Variants in PARD3 observed in about 807,000 individuals in gnomAD.
PARD3 encodes par-3 family cell polarity regulator.
PARD3 carries 75 observed loss-of-function variants against 155.4 expected under a neutral mutation model. The observed-to-expected ratio is 0.48, with a 90% CI of 0.40 to 0.58. The LOEUF is 0.58. Among genes scored for constraint, PARD3 ranks in the 20% least tolerant of loss-of-function variants. The probability of loss-of-function intolerance (pLI) is 0.00; values close to 1 mark genes in which losing one functional copy is unlikely to be tolerated. For synonymous variants in PARD3, 576 were observed against 610.5 expected, an observed-to-expected ratio of 0.94 and a Z score of 0.83; for missense variants, 1,642 against 1,721.7, an observed-to-expected ratio of 0.95 and a Z score of 0.82.
chr10:34,463,239 A>G (rs1589667272), intron 4 of PARD3, among the ~76,000 whole-genome samples: 2 of 114,002 alleles, frequency 1.8e-5, no homozygotes, highest in Admixed American at 9.4e-5. Flanking sequence ...GGAAGGGGAA[A>G]GGAAGGGAAA....
At chr10:34,807,611 T>C (rs937786799) in intron 1 of PARD3, among the ~76,000 whole-genome samples, 2 of 152,182 alleles carry the variant, frequency 1.3e-5, no homozygotes, top group Non-Finnish European at 2.9e-5. Flanking sequence ...TTATACAATA[T>C]GTGGGCTTGC....
intron 1 of PARD3, among the ~76,000 whole-genome samples, chr10:34,805,991 A>C (rs1010051552): frequency 1.3e-5 from 2 of 151,804 alleles, no homozygotes; most frequent in Non-Finnish European, 2.9e-5. Flanking sequence ...AGACAAAAAA[A>C]AAGGAAGAAG....
At chr10:34,251,367 G>A (rs1954296361) in intron 22 of PARD3, among the ~76,000 whole-genome samples, 1 of 152,168 alleles carries the variant, frequency 6.6e-6, no homozygotes, top group African/African-American at 2.4e-5. Flanking sequence ...GGCATCATAC[G>A]AACAATAGCA....
At chr10:34,707,098 T>C (rs1031366376) in intron 1 of PARD3, among the ~76,000 whole-genome samples, 1 of 151,592 alleles carries the variant, frequency 6.6e-6, no homozygotes, top group East Asian at 1.9e-4. Context: ...ATACAAAAAT[T>C]AGCCAGGTGT....
At chr10:34,380,465 C>A (rs1484089658) in intron 9 of PARD3, among the ~76,000 whole-genome samples, 1 of 152,052 alleles carries the variant, frequency 6.6e-6, no homozygotes, top group Non-Finnish European at 1.5e-5. Context: ...GTATTCAAAA[C>A]AATGGTACCA....
At chr10:34,476,172 A>C (rs1418838771) in intron 3 of PARD3, among the ~76,000 whole-genome samples, 1 of 152,224 alleles carries the variant, frequency 6.6e-6, no homozygotes, top group African/African-American at 2.4e-5. Flanking sequence ...CTGAGCTTCC[A>C]TATGTTGGAG....
chr10:34,427,101 AATTG>A (rs1421606796), intron 5 of PARD3, among the ~76,000 whole-genome samples: 1 of 152,180 alleles, frequency 6.6e-6, no homozygotes, highest in Non-Finnish European at 1.5e-5. Flanking sequence ...TAACTGCACA[AATTG>A]ATTGTAGAGC....
intron 22 of PARD3, among the ~76,000 whole-genome samples, chr10:34,243,115 G>A (rs1355717886): frequency 6.6e-6 from 1 of 152,124 alleles, no homozygotes; most frequent in African/African-American, 2.4e-5. Flanking sequence ...TACCTAGTGA[G>A]AAAACAATTT....
Position 34,227,856 on chromosome 10 carries a change from T to TATATATATATATA in PARD3, c.3419+41800_3419+41801insTATATATATATAT, listed in dbSNP as rs1554814034. 5.2e-3 allele frequency among the ~76,000 whole-genome samples: 425 copies of TATATATATATATA among 82,198 alleles called. 30 individuals are homozygous for TATATATATATATA. The highest frequency in any genetic ancestry group is 0.014 in the African/African-American group (240 of 16,860). The allele number at this position is 82,198 out of a possible 152,430, so 53.9% of individuals were successfully genotyped here. ...TATTCCCAGTAATGGGAATTATTTT[T>TATATATATATATA]TATATATATATATATATATATATAT... On this transcript the variant is annotated intron_variant, in intron 22 of 24. Transcript: ENST00000374788.
intron 22 of PARD3, among the ~76,000 whole-genome samples, chr10:34,171,320 G>A (rs1564452430): frequency 6.6e-6 from 1 of 152,122 alleles, no homozygotes; most frequent in Non-Finnish European, 1.5e-5. Context: ...ATCACACATA[G>A]AGAGAGGCTT....
chr10:34,782,193 G>A (rs1005619836), intron 1 of PARD3, among the ~76,000 whole-genome samples: 9 of 152,298 alleles, frequency 5.9e-5, no homozygotes, highest in African/African-American at 2.2e-4. Flanking sequence ...AATTATGGAG[G>A]CCTGATTTAA....
chr10:34,717,919 C>T (rs1209222836), intron 1 of PARD3, among the ~76,000 whole-genome samples: 2 of 152,022 alleles, frequency 1.3e-5, no homozygotes, highest in Non-Finnish European at 2.9e-5. Flanking sequence ...TCTGGGAGGC[C>T]GAGATGGGTG....
intron 2 of PARD3, among the ~76,000 whole-genome samples, chr10:34,684,898 C>T (rs968240600): frequency 6.6e-6 from 1 of 151,454 alleles, no homozygotes. Flanking sequence ...CACACACACA[C>T]ACACACACAC....
rs753692813 is a variant in PARD3, at chr10:34,470,242, C to A, written c.425G>T (p.Arg142Leu). 6.2e-7 allele frequency: 1 copy of A among 1,605,136 alleles called. No homozygotes were observed. Among genetic ancestry groups the A allele is most frequent in the African/African-American group, 1.3e-5 (1 of 74,610 alleles). The change falls in exon 4 of 25, where the codon CGC becomes CTC. Residue 142 changes from arginine to leucine, a missense_variant. Transcript: ENST00000374788. ...LRANMPLHVR[R>L]SSDPALIGLS... ...GCCAATTAGAGCTGGGTCACTACTGCGTCGAACATGAAGAGGCATATCTGT... is the reference window on the plus strand; with the variant it reads ...GCCAATTAGAGCTGGGTCACTACTGAGTCGAACATGAAGAGGCATATCTGT...
chr10:34,563,782 G>A (rs1450010148), intron 2 of PARD3, among the ~76,000 whole-genome samples: 4 of 152,040 alleles, frequency 2.6e-5, no homozygotes, highest in African/African-American at 7.2e-5. Flanking sequence ...GCCCGCCTTG[G>A]CCTCCCAAAG....
chr10:34,188,403 G>T (rs1950572277), intron 22 of PARD3, among the ~76,000 whole-genome samples: 1 of 152,090 alleles, frequency 6.6e-6, no homozygotes, highest in African/African-American at 2.4e-5. Context: ...GGTCTTTAGG[G>T]TAAACAAACG....
At chr10:34,132,583 C>A (rs1165585687) in intron 22 of PARD3, among the ~76,000 whole-genome samples, 1 of 152,032 alleles carries the variant, frequency 6.6e-6, no homozygotes, top group Admixed American at 6.5e-5. Context: ...GATTGATGAC[C>A]AAAATTAAAT....
At chr10:34,119,125 C>T (rs1239712692) in intron 24 of PARD3, among the ~76,000 whole-genome samples, 2 of 152,110 alleles carry the variant, frequency 1.3e-5, no homozygotes, top group African/African-American at 2.4e-5. Flanking sequence ...TGGGTGAGAG[C>T]AGTGATGATG....
chr10:34,505,804 G>A (rs1328900620), intron 3 of PARD3, among the ~76,000 whole-genome samples: 1 of 152,088 alleles, frequency 6.6e-6, no homozygotes, highest in Non-Finnish European at 1.5e-5. Context: ...AAATATATGG[G>A]CCAAATGTTT....
Sources: gnomAD v4.1 joint callset for allele counts (sites outside exome capture counted in the v4.1 genomes callset) on GRCh38, gnomAD v4.1.1 for gene constraint, MANE v1.5 for transcripts, NCBI Gene and HGNC (gene_info 2026-07-23, HGNC 2026-07-21) for gene names.